Variants in SLC35F1 observed in about 807,000 individuals in gnomAD.
SLC35F1 encodes chromosome 6 open reading frame 169.
SLC35F1 carries 14 observed loss-of-function variants against 48.7 expected under a neutral mutation model. The observed-to-expected ratio is 0.29, with a 90% confidence interval of 0.19 to 0.45. The LOEUF (loss-of-function observed/expected upper bound fraction) is 0.45, where lower values mean the gene tolerates loss of function less well. Ranked by LOEUF, SLC35F1 falls within the 20% of genes least tolerant of loss-of-function variation. SLC35F1 has a pLI of 1.00. For synonymous variants in SLC35F1, 190 were observed against 202.2 expected (o/e 0.94, Z 0.51); for missense variants, 404 against 500.0 (o/e 0.81, Z 1.83).
chr6:117,912,664 C>CT (rs78365568), intron 1 of SLC35F1, among the ~76,000 whole-genome samples: 1 of 151,856 alleles, frequency 6.6e-6, no homozygotes, highest in African/African-American at 2.4e-5. Flanking sequence ...TAAAAACAGA[C>CT]TTTTCTAAGA....
chr6:117,966,148 C>CT lies in SLC35F1; in HGVS notation c.173+58249_173+58250insT, dbSNP rs376244300. Among the ~76,000 whole-genome samples, 927 of 146,254 alleles carry CT rather than the reference C, an allele frequency of 6.3e-3. 25 individuals carry two copies. Among genetic ancestry groups the CT allele is most frequent in the African/African-American group, 0.023 (881 of 38,670 alleles). On this transcript the variant is annotated intron_variant, in intron 1 of 7. Coordinates refer to ENST00000360388, the MANE Select transcript of SLC35F1 (RefSeq NM_001029858.4). ...AGGCCACCGCCCCCCCCCCCACTCC[C>CT]GCCCCGCCCCAAGCAGCAGCGGTAC...
chr6:118,031,839 A>G (rs115695012), intron 1 of SLC35F1, among the ~76,000 whole-genome samples: 13 of 152,246 alleles, frequency 8.5e-5, no homozygotes, highest in East Asian at 3.9e-4. Context: ...GGTCATTGCT[A>G]TGGAAAGGGG....
intron 2 of SLC35F1, among the ~76,000 whole-genome samples, chr6:118,187,449 T>C (rs1430045175): frequency 6.6e-6 from 1 of 152,034 alleles, no homozygotes; most frequent in African/African-American, 2.4e-5. Flanking sequence ...CAAAAAGAAG[T>C]TGAATTTTTT....
chr6:118,211,702 C>T (rs1228962701), intron 2 of SLC35F1, among the ~76,000 whole-genome samples: 2 of 152,160 alleles, frequency 1.3e-5, no homozygotes, highest in Non-Finnish European at 2.9e-5. Context: ...CTGCTTATTC[C>T]TATAGGGCTG....
At chr6:118,256,394 C>T (rs898856974) in intron 3 of SLC35F1, among the ~76,000 whole-genome samples, 4 of 152,086 alleles carry the variant, frequency 2.6e-5, no homozygotes, top group Admixed American at 6.6e-5. Flanking sequence ...GGGAAATGTT[C>T]TCTTTCCTAG....
At chr6:118,206,509 T>C (rs1187295842) in intron 2 of SLC35F1, among the ~76,000 whole-genome samples, 1 of 152,232 alleles carries the variant, frequency 6.6e-6, no homozygotes, top group African/African-American at 2.4e-5. Flanking sequence ...TTTGAAGCTA[T>C]GAGTTCTCAT....
chr6:118,099,277 A>C (rs1773222497), intron 1 of SLC35F1, among the ~76,000 whole-genome samples: 1 of 152,208 alleles, frequency 6.6e-6, no homozygotes, highest in Non-Finnish European at 1.5e-5. Context: ...AGGCCTGTGA[A>C]AACAAATTGC....
At position 117,998,944 on chromosome 6, in the gene SLC35F1, C is replaced by T. The variant is rs1582608985; in HGVS notation, c.173+91045C>T. The T allele has an allele frequency of 3.9e-5, 33 of 835,752 alleles. 1 individual carries two copies. Among genetic ancestry groups the T allele is most frequent in the South Asian group, 3.2e-4 (24 of 75,768 alleles). 51.8% of individuals were successfully genotyped at this position (835,752 alleles called of 1,614,324 possible). ...TAAAATCAGCTCTTCCGGTTCTAGGCACTTCGGGAGCCGCGGCTTATGGTG... is the reference window on the plus strand; with the variant it reads ...TAAAATCAGCTCTTCCGGTTCTAGGTACTTCGGGAGCCGCGGCTTATGGTG... On this transcript the variant is annotated intron_variant, in intron 1 of 7. Transcript: ENST00000360388.
At chr6:118,304,816 G>A (rs1191486437) in intron 7 of SLC35F1, among the ~76,000 whole-genome samples, 1 of 151,198 alleles carries the variant, frequency 6.6e-6, no homozygotes, top group African/African-American at 2.4e-5. Context: ...TGGAGATGTA[G>A]GGAACTTGTC....
intron 7 of SLC35F1, 30 bp downstream of exon 7, chr6:118,285,368 A>G (rs371851614): frequency 1.9e-4 from 311 of 1,612,000 alleles, no homozygotes; most frequent in Non-Finnish European, 2.5e-4. Context: ...CTTTGTGAAG[A>G]TGATACTTTG....
chr6:117,985,903 T>A (rs1776842426), intron 1 of SLC35F1, among the ~76,000 whole-genome samples: 1 of 152,220 alleles, frequency 6.6e-6, no homozygotes, highest in African/African-American at 2.4e-5. Flanking sequence ...AATGGGGAAC[T>A]TTATTGTAAA....
At chr6:118,284,657 C>T (rs1210233636) in intron 6 of SLC35F1, among the ~76,000 whole-genome samples, 2 of 152,148 alleles carry the variant, frequency 1.3e-5, no homozygotes, top group African/African-American at 2.4e-5. Context: ...GCAATGAATT[C>T]GTCCACCCAA....
At chr6:117,998,866 C>G (rs1223989226) in intron 1 of SLC35F1, 7 of 616,338 alleles carry the variant, frequency 1.1e-5, no homozygotes, top group South Asian at 9.2e-5. Context: ...ATTAAAAGAA[C>G]TAGAAAAGCA....
intron 1 of SLC35F1, among the ~76,000 whole-genome samples, chr6:118,073,723 T>G (rs1169951068): frequency 6.6e-6 from 1 of 152,182 alleles, no homozygotes; most frequent in Non-Finnish European, 1.5e-5. Flanking sequence ...TGAAAAAAAT[T>G]TCTGCCATTC....
chr6:118,048,490 A>G (rs1772333756), intron 1 of SLC35F1, among the ~76,000 whole-genome samples: 1 of 152,160 alleles, frequency 6.6e-6, no homozygotes, highest in Admixed American at 6.5e-5. Flanking sequence ...AAATCTCCTT[A>G]AGCTGATAAG....
At chr6:118,123,656 A>G (rs1194128405) in intron 1 of SLC35F1, among the ~76,000 whole-genome samples, 1 of 150,878 alleles carries the variant, frequency 6.6e-6, no homozygotes, top group Non-Finnish European at 1.5e-5. Context: ...CTAGTCTTAA[A>G]ATGGTAAACA....
At chr6:118,236,329 ATAAACT>A (rs1775365134) in intron 3 of SLC35F1, among the ~76,000 whole-genome samples, 2 of 152,324 alleles carry the variant, frequency 1.3e-5, no homozygotes, top group African/African-American at 4.8e-5. Context: ...ACTGTAAATG[ATAAACT>A]TAACTATTTT....
Position 118,315,386 on chromosome 6 carries a change from G to A in SLC35F1, c.*1134G>A, listed in dbSNP as rs1283088384. 6.7e-6 allele frequency: 1 copy of A among 149,602 alleles called. No homozygotes were observed. Among genetic ancestry groups the A allele is most frequent in the Non-Finnish European group, 1.5e-5 (1 of 67,578 alleles). The allele number at this position is 149,602 out of a possible 1,614,324, so 9.3% of individuals were successfully genotyped here. On this transcript the variant is annotated 3_prime_UTR_variant, in exon 8 of 8. Transcript: ENST00000360388. Reference sequence around the variant, plus strand: ...CATCATTGAAAAAGTCTGGCATTTTGGTCATATTTGGCATCCATTCAATAA... The same window carrying A: ...CATCATTGAAAAAGTCTGGCATTTTAGTCATATTTGGCATCCATTCAATAA...
intron 2 of SLC35F1, among the ~76,000 whole-genome samples, chr6:118,191,694 A>T (rs1193791667): frequency 1.3e-5 from 2 of 152,190 alleles, no homozygotes; most frequent in African/African-American, 4.8e-5. Context: ...GAACCACAAA[A>T]ACCTTTCTTT....
Sources: gnomAD v4.1 joint callset for allele counts (sites outside exome capture counted in the v4.1 genomes callset) on GRCh38, gnomAD v4.1.1 for gene constraint, MANE v1.5 for transcripts, NCBI Gene and HGNC (gene_info 2026-07-23, HGNC 2026-07-21) for gene names.